TAFA1: variants seen among roughly 807,000 people sequenced by gnomAD.
The protein encoded by TAFA1 is chemokine-like protein TAFA-1.
Under a neutral mutation model 18.5 loss-of-function variants are expected in TAFA1, and 4 were observed. The observed-to-expected ratio is 0.22, with a 90% CI of 0.11 to 0.49. The LOEUF (loss-of-function observed/expected upper bound fraction) is 0.49, where lower values mean the gene tolerates loss of function less well. Ranked by LOEUF, TAFA1 falls within the 20% of genes least tolerant of loss-of-function variation. The probability of loss-of-function intolerance (pLI) is 0.98; values close to 1 mark genes in which losing one functional copy is unlikely to be tolerated. For missense variants in TAFA1, 147 were observed against 169.0 expected, an observed-to-expected ratio of 0.87 and a Z score of 0.72; for synonymous variants, 56 against 55.2, an observed-to-expected ratio of 1.01 and a Z score of -0.06.
At chr3:68,314,627 G>C (rs550502395) in intron 2 of TAFA1, among the ~76,000 whole-genome samples, 1 of 152,292 alleles carries the variant, frequency 6.6e-6, no homozygotes, top group South Asian at 2.1e-4. Flanking sequence ...ACTAGTCAAT[G>C]AATAAGTCGC....
chr3:68,522,966 C>T (rs2073050350), intron 3 of TAFA1, among the ~76,000 whole-genome samples: 1 of 152,178 alleles, frequency 6.6e-6, no homozygotes, highest in Admixed American at 6.5e-5. Flanking sequence ...ATCTCAGCTA[C>T]TCAGGAGGCT....
chr3:68,396,335 A>G lies in TAFA1; in HGVS notation c.119-20945A>G, dbSNP rs576361638. 4.6e-5 allele frequency among the ~76,000 whole-genome samples: 7 copies of G among 152,310 alleles called. No individual in the cohort carries two copies. In the East Asian group the frequency reaches 1.4e-3, roughly 29 times the overall value. The stretch of plus-strand genomic sequence containing the variant: ...GATACCATAACTCACATCAAGAGCT[A>G]GAATGTTACCAGCAATCCAGAAGTA... On this transcript the variant is annotated intron_variant, in intron 2 of 4. Coordinates refer to ENST00000478136, the MANE Select transcript of TAFA1 (RefSeq NM_213609.4).
chr3:68,285,516 T>C (rs1237936187), intron 2 of TAFA1, among the ~76,000 whole-genome samples: 2 of 152,096 alleles, frequency 1.3e-5, no homozygotes, highest in Non-Finnish European at 2.9e-5. Context: ...ATAGCAACTA[T>C]ATATATAGTG....
chr3:68,492,531 G>C (rs1382642211), intron 3 of TAFA1, among the ~76,000 whole-genome samples: 1 of 152,116 alleles, frequency 6.6e-6, no homozygotes, highest in African/African-American at 2.4e-5. Context: ...ACCAATGAAT[G>C]AATCAGAAAG....
chr3:68,078,635 C>A (rs1434343460), intron 2 of TAFA1, among the ~76,000 whole-genome samples: 2 of 152,088 alleles, frequency 1.3e-5, no homozygotes, highest in African/African-American at 4.8e-5. Flanking sequence ...GTATATTGAA[C>A]CAGCCTTGCA....
intron 2 of TAFA1, among the ~76,000 whole-genome samples, chr3:68,388,932 T>C (rs1323185546): frequency 6.6e-6 from 1 of 152,230 alleles, no homozygotes; most frequent in Admixed American, 6.5e-5. Context: ...AAGATTAAGT[T>C]GTAATTTTCA....
intron 3 of TAFA1, among the ~76,000 whole-genome samples, chr3:68,450,683 G>C (rs1210577513): frequency 6.6e-6 from 1 of 152,140 alleles, no homozygotes; most frequent in African/African-American, 2.4e-5. Context: ...AAGAAAAGGG[G>C]GTCCCAACAT....
intron 2 of TAFA1, among the ~76,000 whole-genome samples, chr3:68,252,855 T>C (rs1246989243): frequency 6.6e-6 from 1 of 152,154 alleles, no homozygotes; most frequent in African/African-American, 2.4e-5. Context: ...TTGCAGGTAA[T>C]TGAATCATGG....
chr3:68,365,479 A>C (rs913295695), intron 2 of TAFA1, among the ~76,000 whole-genome samples: 1 of 152,182 alleles, frequency 6.6e-6, no homozygotes, highest in African/African-American at 2.4e-5. Flanking sequence ...CTCCAACACT[A>C]CAATGTATAA....
intron 2 of TAFA1, among the ~76,000 whole-genome samples, chr3:68,223,205 C>T (rs565572822): frequency 6.6e-6 from 1 of 152,278 alleles, no homozygotes; most frequent in South Asian, 2.1e-4. Flanking sequence ...TATTTAGACA[C>T]TTCCAACATA....
chr3:68,502,359 A>AG (rs1281924224), intron 3 of TAFA1, among the ~76,000 whole-genome samples: 1 of 152,154 alleles, frequency 6.6e-6, no homozygotes, highest in Non-Finnish European at 1.5e-5. Context: ...AGAAAAAAAA[A>AG]GACTTTCACC....
chr3:68,419,143 A>G (rs1476869164), intron 3 of TAFA1, among the ~76,000 whole-genome samples: 2 of 152,122 alleles, frequency 1.3e-5, no homozygotes, highest in Non-Finnish European at 2.9e-5. Flanking sequence ...ATCCAATAAA[A>G]CAATACAGAA....
At chr3:68,375,381 C>T (rs1219696867) in intron 2 of TAFA1, among the ~76,000 whole-genome samples, 1 of 152,148 alleles carries the variant, frequency 6.6e-6, no homozygotes, top group Non-Finnish European at 1.5e-5. Flanking sequence ...TAAGTGCTGG[C>T]TTATCCAATA....
intron 2 of TAFA1, among the ~76,000 whole-genome samples, chr3:68,200,513 G>A (rs1263612785): frequency 6.6e-6 from 1 of 151,594 alleles, no homozygotes; most frequent in Non-Finnish European, 1.5e-5. Flanking sequence ...TGCTTTAATA[G>A]ATATCGGCCT....
Position 68,154,002 on chromosome 3 carries a change from A to G in TAFA1, c.118+147258A>G, listed in dbSNP as rs181997681. Among the ~76,000 whole-genome samples the G allele has an allele frequency of 4.5e-3, 682 of 152,252 alleles. 24 individuals carry two copies. The highest frequency in any genetic ancestry group is 0.037 in the Admixed American group (559 of 15,276). ...ATCCTATGTCAGGCCTTTTATTAGT[A>G]AGAGTAATTAATGCTAGCCAGCTTA... On this transcript the variant is annotated intron_variant, in intron 2 of 4. Transcript: ENST00000478136.
rs575191939 is a variant in TAFA1 at position 68,249,541 on chromosome 3, T to C, written c.119-167739T>C. 9.2e-5 allele frequency among the ~76,000 whole-genome samples: 14 copies of C among 152,046 alleles called. 1 individual carries two copies. The highest frequency in any genetic ancestry group is 2.9e-4 in the African/African-American group (12 of 41,468). On this transcript the variant is annotated intron_variant, in intron 2 of 4. Transcript: ENST00000478136. ...AAGAGTGGTGTTTCCCCAGAGGAAATTGAGATTCTGTTATCAGTAAAAGGG... is the reference window on the plus strand; with the variant it reads ...AAGAGTGGTGTTTCCCCAGAGGAAACTGAGATTCTGTTATCAGTAAAAGGG...
At chr3:68,360,751 A>G (rs1416576283) in intron 2 of TAFA1, among the ~76,000 whole-genome samples, 1 of 152,026 alleles carries the variant, frequency 6.6e-6, no homozygotes, top group African/African-American at 2.4e-5. Flanking sequence ...TCATATGGAA[A>G]TGCTCACATT....
At chr3:68,011,506 G>A (rs1366279571) in intron 2 of TAFA1, among the ~76,000 whole-genome samples, 3 of 152,020 alleles carry the variant, frequency 2.0e-5, no homozygotes, top group African/African-American at 4.8e-5. Flanking sequence ...ATATTAAAAA[G>A]CATTTTTGTA....
intron 2 of TAFA1, among the ~76,000 whole-genome samples, chr3:68,214,128 A>T (rs951536908): frequency 6.6e-6 from 1 of 152,026 alleles, no homozygotes; most frequent in African/African-American, 2.4e-5. Context: ...TGCTTGTTAG[A>T]AGGAATGGAT....
Sources: gnomAD v4.1 joint callset for allele counts (sites outside exome capture counted in the v4.1 genomes callset) on GRCh38, gnomAD v4.1.1 for gene constraint, MANE v1.5 for transcripts, NCBI Gene and HGNC (gene_info 2026-07-23, HGNC 2026-07-21) for gene names.